The following RHOQ variants were observed in gnomAD, a reference collection of about 807,000 sequenced individuals.
RHOQ encodes the protein rho-related GTP-binding protein RhoQ.
RHOQ carries 7 observed loss-of-function variants against 25.8 expected under a neutral mutation model. The ratio of observed to expected loss-of-function variants is 0.27; its 90% CI spans 0.15 to 0.51. The LOEUF (loss-of-function observed/expected upper bound fraction) is 0.51. RHOQ is among the 20% of genes least tolerant of loss of function. The probability of loss-of-function intolerance (pLI) is 0.97; values close to 1 mark genes in which losing one functional copy is unlikely to be tolerated. For synonymous variants in RHOQ, 97 were observed against 98.6 expected (o/e 0.98, Z 0.10); for missense variants, 165 against 260.6 (o/e 0.63, Z 2.53).
At chr2:46,560,611 A>G (rs1668544858) in intron 2 of RHOQ, 1 of 456,238 alleles carries the variant, frequency 2.2e-6, no homozygotes, top group Non-Finnish European at 4.4e-6. Context: ...TTCCTTCCAT[A>G]CGAGAGCATG....
intron 2 of RHOQ, among the ~76,000 whole-genome samples, chr2:46,570,965 A>C (rs1208912491): frequency 6.6e-6 from 1 of 152,220 alleles, no homozygotes; most frequent in Admixed American, 6.5e-5. Context: ...ATACATTCCT[A>C]TAGTACTTTA....
chr2:46,576,289 T>C lies in RHOQ; in HGVS notation c.366+38T>C. 1 of 1,556,020 alleles carries C rather than the reference T, an allele frequency of 6.4e-7. No homozygotes were observed. Among genetic ancestry groups the C allele is most frequent in the Non-Finnish European group, 8.8e-7 (1 of 1,135,810 alleles). Reference sequence around the variant, plus strand: ...TGATTTTCTGCATTTTAGAATAAGCTCTTTGGTCTGTCGTAGAGGCTGCTC... The same window carrying C: ...TGATTTTCTGCATTTTAGAATAAGCCCTTTGGTCTGTCGTAGAGGCTGCTC... On this transcript the variant is annotated intron_variant, in intron 3 of 4. Coordinates refer to ENST00000238738, the MANE Select transcript of RHOQ (RefSeq NM_012249.4). The surrounding 1 kb of genome is among the most constrained non-coding windows in gnomAD (Gnocchi z 5.1).
rs1422121066 is a variant in RHOQ at position 46,582,291 on chromosome 2, A to AT, written c.*1208_*1209insT. The AT allele has an allele frequency of 6.6e-6, 1 of 152,038 alleles. No individual in the cohort carries two copies. The allele number at this position is 152,038 out of a possible 1,614,324, so 9.4% of individuals were successfully genotyped here. A position where few individuals can be genotyped will look rare whatever the true frequency, so the allele number is the denominator to read the frequency against. ...TGAAAGGCTCTGCTTGAAAAAAAAAAGAAAAAAAAGTTGGAGGAAAATTTT... is the reference window on the plus strand; with the variant it reads ...TGAAAGGCTCTGCTTGAAAAAAAAAATGAAAAAAAAGTTGGAGGAAAATTTT... On this transcript the variant is annotated 3_prime_UTR_variant, in exon 5 of 5. Transcript: ENST00000238738.
chr2:46,573,860 C>T (rs1669018253), intron 2 of RHOQ, among the ~76,000 whole-genome samples: 1 of 152,170 alleles, frequency 6.6e-6, no homozygotes. Context: ...AGTCTTAAGG[C>T]TAAGTGACTA....
At chr2:46,543,521 C>T in intron 1 of RHOQ, 1 of 604,166 alleles carries the variant, frequency 1.7e-6, no homozygotes, top group Non-Finnish European at 3.0e-6. Context: ...CCGAGCGAGA[C>T]GTGGCTACGG....
rs1235959971 is a variant in RHOQ, at chr2:46,556,721, C to G, written c.201+12909C>G. On this transcript the variant is annotated intron_variant, in intron 2 of 4. Transcript: ENST00000238738. This position sits in a 1 kb window ranked among gnomAD's most constrained non-coding sequence, Gnocchi z 4.9. ...CAGTTGGAAGATGAATAGAGCTGGC[C>G]AGAATGCAAGTAGAAAATGGGATGT... 2.0e-5 allele frequency among the ~76,000 whole-genome samples: 3 copies of G among 152,132 alleles called. No homozygotes were observed. The highest frequency in any genetic ancestry group is 2.0e-4 in the Admixed American group (3 of 15,288).
intron 1 of RHOQ, chr2:46,543,462 C>G (rs1463231275): frequency 3.3e-6 from 2 of 599,918 alleles, no homozygotes; most frequent in Non-Finnish European, 5.9e-6. Flanking sequence ...GACCTTCCCA[C>G]ATCCCCTTTC....
rs919739342 is a variant in RHOQ, at chr2:46,556,315, C to T, written c.201+12503C>T. On this transcript the variant is annotated intron_variant, in intron 2 of 4. Transcript: ENST00000238738. This position sits in a 1 kb window ranked among gnomAD's most constrained non-coding sequence, Gnocchi z 4.9. ...CCCCCGCTCTTTTTCAGTTGTTCTT[C>T]CATGGCCATTCTTTCCCGGGCTCTG... Among the ~76,000 whole-genome samples, 2 of 152,082 alleles carry T rather than the reference C, an allele frequency of 1.3e-5. No individual in the cohort carries two copies. The highest frequency in any genetic ancestry group is 4.8e-5 in the African/African-American group (2 of 41,410).
chr2:46,575,993 T>C, intron 2 of RHOQ, 94 bp from the exon 3 acceptor site: 1 of 1,064,538 alleles, frequency 9.4e-7, no homozygotes, highest in Non-Finnish European at 1.3e-6. Flanking sequence ...GGAGTACTCC[T>C]GAATTTGCAT....
intron 2 of RHOQ, among the ~76,000 whole-genome samples, chr2:46,545,557 G>A (rs996066741): frequency 1.3e-5 from 2 of 152,180 alleles, no homozygotes; most frequent in African/African-American, 4.8e-5. Context: ...CCATGAGATA[G>A]GTGGTATTTC....
At chr2:46,561,001 AACACACACACAC>A (rs61040858) in intron 2 of RHOQ, among the ~76,000 whole-genome samples, 15 of 141,342 alleles carry the variant, frequency 1.1e-4, no homozygotes, top group East Asian at 6.3e-4. Context: ...AGACCCCATA[AACACACACACAC>A]ACACACACAC....
rs780880107 is a variant in RHOQ at position 46,583,857 on chromosome 2, C to T, written c.*2774C>T. Among the ~76,000 whole-genome samples the T allele has an allele frequency of 6.6e-6, 1 of 152,156 alleles. No individual in the cohort carries two copies. On this transcript the variant is annotated 3_prime_UTR_variant, in exon 5 of 5. Coordinates refer to ENST00000238738, the MANE Select transcript of RHOQ (RefSeq NM_012249.4). ...TCAAATAAGGCCATGTATGAATGAA[C>T]TTACAAGATATTTGAGTTAATCAGT...
chr2:46,576,496 A>T lies in RHOQ; in HGVS notation c.367-65A>T. ...TGGTATGTGGGAATTAAGTGGGATT[A>T]CATGCTTTGATTTTTCTTTAAAGAT... On this transcript the variant is annotated intron_variant, in intron 3 of 4. Coordinates refer to ENST00000238738, the MANE Select transcript of RHOQ (RefSeq NM_012249.4). The surrounding 1 kb of genome is among the most constrained non-coding windows in gnomAD (Gnocchi z 5.1). 9.5e-7 allele frequency: 1 copy of T among 1,051,090 alleles called. No homozygotes were observed. Among genetic ancestry groups the T allele is most frequent in the Non-Finnish European group, 1.4e-6 (1 of 704,788 alleles). 65.1% of individuals were successfully genotyped at this position (1,051,090 alleles called of 1,614,324 possible).
chr2:46,549,778 C>G (rs1031921757), intron 2 of RHOQ, among the ~76,000 whole-genome samples: 1 of 152,176 alleles, frequency 6.6e-6, no homozygotes, highest in Non-Finnish European at 1.5e-5. Flanking sequence ...AGGGGTCCCC[C>G]GGCTCCCTGG....
chr2:46,545,329 C>T (rs1209214866), intron 2 of RHOQ, among the ~76,000 whole-genome samples: 3 of 152,146 alleles, frequency 2.0e-5, no homozygotes, highest in East Asian at 1.9e-4. Flanking sequence ...TTTAAAAAAT[C>T]GCCTCTAATT....
At chr2:46,543,321 G>A (rs1266296499) in intron 1 of RHOQ, 133 bp downstream of exon 1, 3 of 985,604 alleles carry the variant, frequency 3.0e-6, no homozygotes, top group African/African-American at 3.3e-5. Context: ...CTGCCAGGCG[G>A]CCGGCCCCAC....
chr2:46,543,127 G>T lies in RHOQ; in HGVS notation c.81G>T (p.Met27Ile). 1 of 1,612,026 alleles carries T rather than the reference G, an allele frequency of 6.2e-7. No homozygotes were observed. The highest frequency in any genetic ancestry group is 8.5e-7 in the Non-Finnish European group (1 of 1,179,276). The change falls in exon 1 of 5, where the codon ATG (methionine) becomes ATT (isoleucine). Residue 27 changes from methionine to isoleucine, a missense_variant. Physicochemically the swap from Met to Ile is conservative, Grantham distance 10. Transcript: ENST00000238738. ...DGAVGKTCLLMSYANDAFPEE... is the reference protein window; with the variant it reads ...DGAVGKTCLLISYANDAFPEE... ...CGGTGGGCAAGACGTGCCTACTCAT[G>T]AGCTATGCCAACGACGCCTTCCCGG...
chr2:46,550,985 C>T (rs1480436229), intron 2 of RHOQ, among the ~76,000 whole-genome samples: 1 of 152,178 alleles, frequency 6.6e-6, no homozygotes, highest in East Asian at 1.9e-4. Context: ...CAGGGAGGAG[C>T]TTTTTGGAAG....
chr2:46,549,739 T>C (rs1230700093), intron 2 of RHOQ, among the ~76,000 whole-genome samples: 1 of 152,222 alleles, frequency 6.6e-6, no homozygotes, highest in Non-Finnish European at 1.5e-5. Flanking sequence ...CTGCTTTGCA[T>C]GTACGGAGGC....
Sources: allele counts gnomAD v4.1 joint callset (sites outside exome capture counted in the v4.1 genomes callset), GRCh38; gene constraint gnomAD v4.1.1; non-coding constraint Gnocchi (gnomAD v3.1); transcripts MANE v1.5; gene names NCBI Gene and HGNC (gene_info 2026-07-23, HGNC 2026-07-21).